The following SMCR8 variants were observed in gnomAD, a reference collection of about 807,000 sequenced individuals.
SMCR8 encodes the protein guanine nucleotide exchange protein SMCR8.
SMCR8 carries 30 observed loss-of-function variants against 56.6 expected under a neutral mutation model. That is an observed-to-expected ratio of 0.53 (90% confidence interval 0.40 to 0.72). SMCR8 has a LOEUF of 0.72. Among genes scored for constraint, SMCR8 ranks in the 30% least tolerant of loss-of-function variants. The pLI is 0.00. For synonymous variants in SMCR8, 538 were observed against 456.0 expected, an observed-to-expected ratio of 1.18 and a Z score of -2.29; for missense variants, 1,198 against 1,157.0, an observed-to-expected ratio of 1.04 and a Z score of -0.51.
Position 18,317,642 on chromosome 17 carries a change from G to GC in SMCR8, c.1855dup (p.His619ProfsTer27), listed in dbSNP as rs1982365245. The stretch of plus-strand genomic sequence containing the variant: ...GGGGTGGTGAGCAGCCCCCCACAGC[G>GC]CCACAGGCAGAAGGACCAGGGGTTC... On this transcript the variant is annotated frameshift_variant, in exon 1 of 2. Transcript: ENST00000406438. LOFTEE classifies it high-confidence loss of function. 1 of 1,614,146 alleles carries GC rather than the reference G, an allele frequency of 6.2e-7. No homozygotes were observed. The highest frequency in any genetic ancestry group is 1.3e-5 in the African/African-American group (1 of 75,034).
chr17:18,316,665 C>T lies in SMCR8; in HGVS notation c.876C>T (p.Asp292=), dbSNP rs1370705505. The part of the protein sequence containing the change: ...STTSNPDESA[D]TDLYTCRPAY... The stretch of plus-strand genomic sequence containing the variant: ...CCTCTAACCCTGATGAGTCTGCCGA[C>T]ACAGACCTTTACACCTGCAGACCAG... The change falls in exon 1 of 2, where the codon GAC becomes GAT. Residue 292 remains aspartate (D), a synonymous_variant. Transcript: ENST00000406438. The T allele has an allele frequency of 4.3e-6, 7 of 1,614,196 alleles. No individual in the cohort carries two copies. Among genetic ancestry groups the T allele is most frequent in the East Asian group, 4.5e-5 (2 of 44,880 alleles).
In SMCR8 at chr17:18,316,880, A is replaced by G; in HGVS notation, c.1091A>G (p.Gln364Arg). 1.2e-6 allele frequency: 2 copies of G among 1,614,210 alleles called. No homozygotes were observed. Among genetic ancestry groups the G allele is most frequent in the Non-Finnish European group, 1.7e-6 (2 of 1,180,036 alleles). The change falls in exon 1 of 2, where the codon CAA (glutamine) becomes CGA (arginine). Residue 364 changes from glutamine to arginine, a missense_variant. By Grantham distance (43) the Gln-to-Arg change is conservative. Transcript: ENST00000406438. ...CAGATTGATAGAGCACTTCTAAAAC[A>G]ACAGCATATAACAAACTTTCTCTTT... ...TSQIDRALLK[Q>R]QHITNFLFED...
In SMCR8 at chr17:18,316,812, T is replaced by C. The variant is rs1326873090; in HGVS notation, c.1023T>C (p.Ile341=). The change falls in exon 1 of 2, where the codon ATT becomes ATC. Residue 341 remains isoleucine (I), a synonymous_variant. Coordinates refer to ENST00000406438, the MANE Select transcript of SMCR8 (RefSeq NM_144775.3). ...FTQTLAQLSH[I]EHMFRGDLCY... is the part of the protein sequence containing the mutation. Reference sequence around the variant, plus strand: ...AGACCCTGGCTCAGCTCAGCCACATTGAACACATGTTCAGAGGAGACCTGT... The same window carrying C: ...AGACCCTGGCTCAGCTCAGCCACATCGAACACATGTTCAGAGGAGACCTGT... 1 of 1,614,246 alleles carries C rather than the reference T, an allele frequency of 6.2e-7. No individual in the cohort carries two copies. Among genetic ancestry groups the C allele is most frequent in the Middle Eastern group, 1.6e-4 (1 of 6,062 alleles).
At position 18,322,656 on chromosome 17, in the gene SMCR8, GAGCCGCTAC is replaced by G. The variant is rs754933863; in HGVS notation, c.2411_2419del (p.Ser804_Tyr806del). On this transcript the variant is annotated inframe_deletion, in exon 2 of 2. Transcript: ENST00000406438. The stretch of plus-strand genomic sequence containing the variant: ...CCGGTGCCGGTACCCTCCATGCCCT[GAGCCGCTAC>G]AGCCGCTACACGAGCATCCTGGACC... 17 of 1,614,014 alleles carry G rather than the reference GAGCCGCTAC, an allele frequency of 1.1e-5. No individual in the cohort carries two copies. The East Asian group carries it at 2.0e-4, about 19-fold the overall frequency.
chr17:18,318,202 T>C, intron 1 of SMCR8, 53 bp downstream of exon 1: 1 of 1,531,976 alleles, frequency 6.5e-7, no homozygotes, highest in East Asian at 2.3e-5. Context: ...GGATGAGGTA[T>C]ATTGGTGTGG....
Position 18,316,677 on chromosome 17 carries a change from C to T in SMCR8, c.888C>T (p.Tyr296=). The T allele has an allele frequency of 2.5e-6, 4 of 1,614,176 alleles. No homozygotes were observed. Among genetic ancestry groups the T allele is most frequent in the Non-Finnish European group, 3.4e-6 (4 of 1,180,034 alleles). ...NPDESADTDL[Y]TCRPAYTPKL... The stretch of plus-strand genomic sequence containing the variant: ...ATGAGTCTGCCGACACAGACCTTTA[C>T]ACCTGCAGACCAGCCTACACCCCAA... Residue 296 remains tyrosine, a synonymous_variant, in exon 1 of 2, where the codon TAC becomes TAT. Coordinates refer to ENST00000406438, the MANE Select transcript of SMCR8 (RefSeq NM_144775.3).
rs1431069589 is a variant in SMCR8 at position 18,316,669 on chromosome 17, G to C, written c.880G>C (p.Asp294His). Residue 294 changes from aspartate to histidine, a missense_variant, in exon 1 of 2, where the codon GAC becomes CAC. Physicochemically the swap from Asp to His is moderately conservative, Grantham distance 81 (BLOSUM62 -1). Transcript: ENST00000406438. ...TSNPDESADT[D>H]LYTCRPAYTP... is the part of the protein sequence containing the mutation. The stretch of plus-strand genomic sequence containing the variant: ...TAACCCTGATGAGTCTGCCGACACA[G>C]ACCTTTACACCTGCAGACCAGCCTA... 7.4e-6 allele frequency: 12 copies of C among 1,614,076 alleles called. No homozygotes were observed. Among genetic ancestry groups the C allele is most frequent in the African/African-American group, 1.3e-5 (1 of 74,910 alleles).
intron 1 of SMCR8, among the ~76,000 whole-genome samples, chr17:18,321,251 A>G (rs560676539): frequency 6.6e-6 from 1 of 152,328 alleles, no homozygotes; most frequent in Admixed American, 6.5e-5. Flanking sequence ...GCTCTGGGGA[A>G]GCTGCTTCAG....
chr17:18,321,505 C>T (rs1982496633), intron 1 of SMCR8, among the ~76,000 whole-genome samples: 1 of 152,232 alleles, frequency 6.6e-6, no homozygotes, highest in Admixed American at 6.5e-5. Flanking sequence ...TTGTCCTAAG[C>T]ACAACTCATT....
intron 1 of SMCR8, among the ~76,000 whole-genome samples, chr17:18,321,976 G>A (rs980102039): frequency 1.3e-5 from 2 of 151,574 alleles, no homozygotes; most frequent in Non-Finnish European, 3.0e-5. Flanking sequence ...AAGTACAAGA[G>A]AGAGAGGTTA....
Position 18,325,823 on chromosome 17 carries a change from G to A in SMCR8, c.*2753G>A, listed in dbSNP as rs994859015. 2.0e-5 allele frequency: 3 copies of A among 152,298 alleles called. No individual in the cohort carries two copies. The highest frequency in any genetic ancestry group is 1.3e-4 in the Admixed American group (2 of 15,284). The allele number at this position is 152,298 out of a possible 1,614,324, so 9.4% of individuals were successfully genotyped here. A position where few individuals can be genotyped will look rare whatever the true frequency, so the allele number is the denominator to read the frequency against. On this transcript the variant is annotated 3_prime_UTR_variant, in exon 2 of 2. Transcript: ENST00000406438. The stretch of plus-strand genomic sequence containing the variant: ...GCCTGTAATCCCAACACTTTGGGAG[G>A]CCGAGGTGGGCGGATCACCTGAGGT...
At position 18,325,215 on chromosome 17, in the gene SMCR8, C is replaced by T. The variant is rs1456729409; in HGVS notation, c.*2145C>T. The stretch of plus-strand genomic sequence containing the variant: ...GCTCATACTGTTCTCACCTGGGAAA[C>T]TTGGGAAGGGCTGATGAGTTTGGGG... On this transcript the variant is annotated 3_prime_UTR_variant, in exon 2 of 2. Coordinates refer to ENST00000406438, the MANE Select transcript of SMCR8 (RefSeq NM_144775.3). 6.6e-6 allele frequency: 1 copy of T among 152,264 alleles called. No individual in the cohort carries two copies. The highest frequency in any genetic ancestry group is 1.9e-4 in the East Asian group (1 of 5,200). 9.4% of individuals were successfully genotyped at this position (152,264 alleles called of 1,614,324 possible). A position where few individuals can be genotyped will look rare whatever the true frequency, so the allele number is the denominator to read the frequency against.
Position 18,315,576 on chromosome 17 carries a change from C to T in SMCR8, c.-214C>T, listed in dbSNP as rs1350777283. On this transcript the variant is annotated 5_prime_UTR_variant, in exon 1 of 2. Coordinates refer to ENST00000406438, the MANE Select transcript of SMCR8 (RefSeq NM_144775.3). ...CCTGCGGCCTTGGCGTTCATGAGGC[C>T]TCAGAGAGCTCCGGAGGAGCTACAA... 4 of 531,528 alleles carry T rather than the reference C, an allele frequency of 7.5e-6. No individual in the cohort carries two copies. The African/African-American group carries it at 7.6e-5, about 10-fold the overall frequency. 32.9% of individuals were successfully genotyped at this position (531,528 alleles called of 1,614,324 possible).
In SMCR8 at chr17:18,322,981, C is replaced by T; in HGVS notation, c.2725C>T (p.Leu909=). 6.2e-7 allele frequency: 1 copy of T among 1,614,228 alleles called. No individual in the cohort carries two copies. The highest frequency in any genetic ancestry group is 1.1e-5 in the South Asian group (1 of 91,084). The change falls in exon 2 of 2, where the codon CTG becomes TTG. Residue 909 remains leucine, a synonymous_variant. Transcript: ENST00000406438. ...GGTGGTCCAGTACCTGGCTGAGCTG[C>T]TGAAGCTGCACTACATGCAGGAATC... The part of the protein sequence containing the change: ...VRVVQYLAEL[L]KLHYMQESPG...
intron 1 of SMCR8, among the ~76,000 whole-genome samples, chr17:18,322,173 G>A (rs1028710062): frequency 2.6e-5 from 4 of 151,994 alleles, no homozygotes; most frequent in African/African-American, 7.2e-5. Flanking sequence ...CACCACACCC[G>A]GCTAATTTTT....
At position 18,322,964 on chromosome 17, in the gene SMCR8, A is replaced by G. The variant is rs770685559; in HGVS notation, c.2708A>G (p.Gln903Arg). The change falls in exon 2 of 2, where the codon CAG becomes CGG. Residue 903 changes from glutamine (Q) to arginine (R), a missense_variant. Gln to Arg is a conservative substitution (Grantham distance 43). Transcript: ENST00000406438. ...GLVNEDVRVVQYLAELLKLHY... is the reference protein window; with the variant it reads ...GLVNEDVRVVRYLAELLKLHY... ...GTGAATGAGGATGTTAGGGTGGTCC[A>G]GTACCTGGCTGAGCTGCTGAAGCTG... The G allele has an allele frequency of 2.6e-5, 42 of 1,614,130 alleles. 2 individuals are homozygous for G. The South Asian group carries it at 4.4e-4, about 17-fold the overall frequency.
intron 1 of SMCR8, among the ~76,000 whole-genome samples, chr17:18,320,189 C>T (rs1252831893): frequency 1.3e-5 from 2 of 152,346 alleles, no homozygotes; most frequent in South Asian, 4.1e-4. Flanking sequence ...TGCCGCTTTA[C>T]CCAGTCCTCT....
Position 18,317,104 on chromosome 17 carries a change from A to G in SMCR8, c.1315A>G (p.Lys439Glu), listed in dbSNP as rs752969740. Reference protein sequence around the residue: ...MEQELGDEEYKEVEVTELSSF... With the variant: ...MEQELGDEEYEEVEVTELSSF... ...GCAGGAACTGGGAGATGAGGAGTACAAGGAAGTGGAAGTGACTGAGTTGAG... is the reference window on the plus strand; with the variant it reads ...GCAGGAACTGGGAGATGAGGAGTACGAGGAAGTGGAAGTGACTGAGTTGAG... The change falls in exon 1 of 2, where the codon AAG becomes GAG. Residue 439 changes from lysine to glutamate, a missense_variant. Physicochemically the swap from Lys to Glu is moderately conservative, Grantham distance 56. Coordinates refer to ENST00000406438, the MANE Select transcript of SMCR8 (RefSeq NM_144775.3). The G allele has an allele frequency of 1.7e-5, 28 of 1,614,074 alleles. No individual in the cohort carries two copies. The highest frequency in any genetic ancestry group is 2.3e-5 in the Non-Finnish European group (27 of 1,180,040).
At chr17:18,321,327 A>T (rs1201196107) in intron 1 of SMCR8, among the ~76,000 whole-genome samples, 1 of 152,158 alleles carries the variant, frequency 6.6e-6, no homozygotes, top group Non-Finnish European at 1.5e-5. Context: ...CTGATGTGCC[A>T]GGCATTGGGG....
Sources: gnomAD v4.1 joint callset for allele counts (sites outside exome capture counted in the v4.1 genomes callset) on GRCh38, gnomAD v4.1.1 for gene constraint, MANE v1.5 for transcripts, NCBI Gene and HGNC (gene_info 2026-07-23, HGNC 2026-07-21) for gene names.